Variants in SLC9A7 observed in about 807,000 individuals in gnomAD.
SLC9A7 encodes sodium/hydrogen exchanger 7.
SLC9A7 carries 19 observed loss-of-function variants against 52.6 expected under a neutral mutation model. The ratio of observed to expected loss-of-function variants is 0.36; its 90% CI spans 0.25 to 0.53. The LOEUF (loss-of-function observed/expected upper bound fraction) is 0.53, where lower values mean the gene tolerates loss of function less well. Among genes scored for constraint, SLC9A7 ranks in the 20% least tolerant of loss-of-function variants. The pLI is 0.91. For missense variants in SLC9A7, 455 were observed against 597.9 expected, an observed-to-expected ratio of 0.76 and a Z score of 2.49; for synonymous variants, 226 against 252.1, an observed-to-expected ratio of 0.90 and a Z score of 0.98.
At chrX:46,723,193 C>G (rs1298503509) in intron 1 of SLC9A7, among the ~76,000 whole-genome samples, 1 of 105,170 alleles carries the variant, frequency 9.5e-6, no homozygotes, top group South Asian at 4.4e-4. Flanking sequence ...TATAATGATT[C>G]ATGTAATATA....
chrX:46,637,558 G>C (rs1203634614), intron 12 of SLC9A7, among the ~76,000 whole-genome samples: 1 of 111,522 alleles, frequency 9.0e-6, no homozygotes, highest in Non-Finnish European at 1.9e-5. Context: ...TTGGCCACCT[G>C]GGTGTATGTC....
chrX:46,677,824 C>G (rs926154057), intron 3 of SLC9A7, among the ~76,000 whole-genome samples: 6 of 111,726 alleles, frequency 5.4e-5, no homozygotes, highest in African/African-American at 2.0e-4. Context: ...ATATAATTCA[C>G]CAGTAAAGCC....
At chrX:46,633,378 A>C (rs999074985) in intron 13 of SLC9A7, among the ~76,000 whole-genome samples, 6 of 97,059 alleles carry the variant, frequency 6.2e-5, no homozygotes, top group Non-Finnish European at 8.1e-5. Flanking sequence ...AAAAAAAAAA[A>C]AAACAGATCG....
chrX:46,750,133 G>A (rs1922133515), intron 1 of SLC9A7, among the ~76,000 whole-genome samples: 1 of 110,708 alleles, frequency 9.0e-6, no homozygotes, highest in Non-Finnish European at 1.9e-5. Flanking sequence ...TCTACTCTGG[G>A]CATAGATTTC....
chrX:46,648,942 C>G (rs745746879), intron 10 of SLC9A7, 145 bp from the exon 11 acceptor site: 6 of 423,812 alleles, frequency 1.4e-5, no homozygotes, highest in South Asian at 4.7e-5. Context: ...CTGTCTAGTT[C>G]CCCCCTAGAC....
intron 1 of SLC9A7, among the ~76,000 whole-genome samples, chrX:46,718,427 A>C (rs958587033): frequency 1.8e-5 from 2 of 112,208 alleles, no homozygotes; most frequent in Non-Finnish European, 3.8e-5. Context: ...CAATGGCAAC[A>C]AAAGCCAAAA....
At chrX:46,664,346 AT>A (rs1232169287) in intron 5 of SLC9A7, among the ~76,000 whole-genome samples, 1 of 111,661 alleles carries the variant, frequency 9.0e-6, no homozygotes, top group Admixed American at 9.5e-5. Context: ...TGAGTGTAGT[AT>A]TTTTTATGAT....
chrX:46,609,033 C>T (rs759475904), intron 16 of SLC9A7, among the ~76,000 whole-genome samples: 1 of 109,769 alleles, frequency 9.1e-6, no homozygotes, highest in East Asian at 2.9e-4. Context: ...CATTCATACA[C>T]GTGCTACATA....
chrX:46,730,133 C>G (rs1211845708), intron 1 of SLC9A7, among the ~76,000 whole-genome samples: 3 of 111,163 alleles, frequency 2.7e-5, no homozygotes, highest in African/African-American at 9.8e-5. Context: ...ATAAACTCAC[C>G]ATTACATCCA....
chrX:46,749,693 C>T (rs1045840561), intron 1 of SLC9A7, among the ~76,000 whole-genome samples: 7 of 111,783 alleles, frequency 6.3e-5, no homozygotes, highest in Admixed American at 3.8e-4. Flanking sequence ...CCAGGCTGAT[C>T]TAGCACAGGA....
intron 1 of SLC9A7, among the ~76,000 whole-genome samples, chrX:46,701,366 T>A (rs933873292): frequency 4.5e-5 from 5 of 110,996 alleles, no homozygotes; most frequent in Non-Finnish European, 9.4e-5. Flanking sequence ...GGCGGGTGGA[T>A]CACGAGGTCA....
chrX:46,636,670 G>C (rs1265327013), intron 12 of SLC9A7, among the ~76,000 whole-genome samples: 3 of 110,995 alleles, frequency 2.7e-5, no homozygotes, highest in Non-Finnish European at 5.7e-5. Context: ...ATATTATGAT[G>C]GTTTGTAACC....
intron 1 of SLC9A7, among the ~76,000 whole-genome samples, chrX:46,706,295 AT>A (rs1471289760): frequency 1.9e-5 from 2 of 103,586 alleles, no homozygotes; most frequent in Non-Finnish European, 4.0e-5. Flanking sequence ...ATGACACGAC[AT>A]CTAGAATTTG....
At chrX:46,709,291 C>A (rs1965195090) in intron 1 of SLC9A7, among the ~76,000 whole-genome samples, 1 of 110,519 alleles carries the variant, frequency 9.0e-6, no homozygotes, top group Non-Finnish European at 1.9e-5. Flanking sequence ...CCTGTGGTCC[C>A]AGCTACTCAG....
At chrX:46,634,323 A>C (rs1322734298) in intron 13 of SLC9A7, among the ~76,000 whole-genome samples, 1 of 111,946 alleles carries the variant, frequency 8.9e-6, no homozygotes, top group East Asian at 2.8e-4. Context: ...GAATGAATAA[A>C]TACCAGAATG....
intron 13 of SLC9A7, 103 bp downstream of exon 13, chrX:46,635,486 C>T (rs914841331): frequency 1.7e-5 from 11 of 645,061 alleles, no homozygotes; most frequent in East Asian, 3.4e-5. Flanking sequence ...GGTTGGCACA[C>T]GCAGGAAGGA....
intron 1 of SLC9A7, among the ~76,000 whole-genome samples, chrX:46,712,354 T>C (rs1246801720): frequency 1.8e-5 from 2 of 111,126 alleles, no homozygotes; most frequent in Non-Finnish European, 1.9e-5. Context: ...GGAGCCAGCA[T>C]GTCACATGAA....
chrX:46,648,640 T>C, intron 11 of SLC9A7, 46 bp downstream of exon 11: 1 of 941,672 alleles, frequency 1.1e-6, no homozygotes, highest in Non-Finnish European at 1.5e-6. Flanking sequence ...ATATTCTTGT[T>C]ACCTGCTGAA....
chrX:46,745,554 T>A (rs1320466529), intron 1 of SLC9A7, among the ~76,000 whole-genome samples: 4 of 112,153 alleles, frequency 3.6e-5, no homozygotes, highest in African/African-American at 1.3e-4. Context: ...TTAAATATGC[T>A]TAATGAATGA....
Sources: allele counts gnomAD v4.1 joint callset (sites outside exome capture counted in the v4.1 genomes callset), GRCh38; gene constraint gnomAD v4.1.1; transcripts MANE v1.5; gene names NCBI Gene and HGNC (gene_info 2026-07-23, HGNC 2026-07-21).